TRAF3: variants seen among roughly 807,000 people sequenced by gnomAD.
TRAF3 encodes TNF receptor-associated factor 3.
TRAF3 carries 13 observed loss-of-function variants against 62.3 expected under a neutral mutation model. That is an observed-to-expected ratio of 0.21 (90% confidence interval 0.14 to 0.33). TRAF3 has a LOEUF of 0.33. Among genes scored for constraint, TRAF3 ranks in the 10% least tolerant of loss-of-function variants. TRAF3 has a pLI of 1.00. For missense variants in TRAF3, 440 were observed against 741.8 expected (o/e 0.59, Z 4.73); for synonymous variants, 269 against 283.4 (o/e 0.95, Z 0.51).
At chr14:102,849,811 C>A (rs1388885606) in intron 2 of TRAF3, among the ~76,000 whole-genome samples, 2 of 152,220 alleles carry the variant, frequency 1.3e-5, no homozygotes, top group Non-Finnish European at 2.9e-5. Context: ...TTTCAGAAAG[C>A]TTTCTTATCA....
At chr14:102,897,086 AAAG>A (rs1326880320) in intron 9 of TRAF3, among the ~76,000 whole-genome samples, 172 bp from the exon 10 acceptor site, 1 of 152,090 alleles carries the variant, frequency 6.6e-6, no homozygotes, top group African/African-American at 2.4e-5. Context: ...AGGGGAAAAA[AAAG>A]AAAGAAAGAA....
intron 2 of TRAF3, among the ~76,000 whole-genome samples, chr14:102,848,931 T>C (rs1005860238): frequency 5.3e-5 from 8 of 152,182 alleles, no homozygotes; most frequent in Admixed American, 6.5e-5. Flanking sequence ...TCTGCACTGA[T>C]GTGAGATCCA....
At chr14:102,896,804 C>T (rs1890029785) in intron 9 of TRAF3, among the ~76,000 whole-genome samples, 1 of 152,196 alleles carries the variant, frequency 6.6e-6, no homozygotes, top group African/African-American at 2.4e-5. Flanking sequence ...TGACTCACAC[C>T]TCTAATCCCA....
chr14:102,900,337 C>T (rs1006320993), intron 10 of TRAF3, among the ~76,000 whole-genome samples: 1 of 151,852 alleles, frequency 6.6e-6, no homozygotes, highest in Non-Finnish European at 1.5e-5. Flanking sequence ...CCCGTCTCTA[C>T]TAAAAATAGA....
At chr14:102,882,142 C>A (rs1178548813) in intron 6 of TRAF3, among the ~76,000 whole-genome samples, 2 of 152,178 alleles carry the variant, frequency 1.3e-5, no homozygotes, top group African/African-American at 4.8e-5. Context: ...GCCGGAGTGT[C>A]AAGGAAGGCT....
At chr14:102,836,950 CCCA>C (rs1886045550) in intron 2 of TRAF3, among the ~76,000 whole-genome samples, 1 of 152,128 alleles carries the variant, frequency 6.6e-6, no homozygotes, top group South Asian at 2.1e-4. Context: ...GCTTCTTTCC[CCCA>C]AGAATAGCTG....
Position 102,808,639 on chromosome 14 carries a change from A to G in TRAF3, c.-156-21695A>G, listed in dbSNP as rs117000546. Among the ~76,000 whole-genome samples, 10 of 152,354 alleles carry G rather than the reference A, an allele frequency of 6.6e-5. No homozygotes were observed. The East Asian group carries it at 1.9e-3, about 29-fold the overall frequency. ...GATTTGTTGGAACAGAAAAACTTCC[A>G]AATTGGTCTAGAAGGTGGACCCTAG... is the stretch of plus-strand genomic sequence containing the variant. On this transcript the variant is annotated intron_variant, in intron 1 of 11. Transcript: ENST00000392745.
chr14:102,851,775 TG>T (rs1887057615), intron 2 of TRAF3, among the ~76,000 whole-genome samples: 1 of 149,776 alleles, frequency 6.7e-6, no homozygotes, highest in Non-Finnish European at 1.5e-5. Flanking sequence ...ACAGGCCTCG[TG>T]GGTGGTTCGT....
chr14:102,875,493 A>G, intron 4 of TRAF3, 131 bp from the exon 5 acceptor site: 1 of 714,736 alleles, frequency 1.4e-6, no homozygotes, highest in Non-Finnish European at 2.4e-6. Flanking sequence ...ATGGTCCTTA[A>G]TGCTTTCTGA....
chr14:102,856,402 G>A (rs960736333), intron 2 of TRAF3, among the ~76,000 whole-genome samples: 2 of 152,150 alleles, frequency 1.3e-5, no homozygotes, highest in East Asian at 3.8e-4. Flanking sequence ...ACTTCCTGAC[G>A]TTGCCATGGT....
chr14:102,891,801 T>C (rs1264489871), intron 9 of TRAF3, among the ~76,000 whole-genome samples: 1 of 152,138 alleles, frequency 6.6e-6, no homozygotes, highest in Non-Finnish European at 1.5e-5. Context: ...GCAGCAGAGT[T>C]AAGAGACATG....
At chr14:102,905,095 G>C (rs1890519915) in intron 11 of TRAF3, 118 bp from the exon 12 acceptor site, 2 of 1,069,342 alleles carry the variant, frequency 1.9e-6, no homozygotes, top group Middle Eastern at 2.8e-4. Context: ...CTGGGCAACA[G>C]AGCGAGACTC....
chr14:102,789,172 C>G (rs1463213150), intron 1 of TRAF3, among the ~76,000 whole-genome samples: 2 of 151,988 alleles, frequency 1.3e-5, no homozygotes, highest in Admixed American at 1.3e-4. Context: ...TGAGGTACAT[C>G]CAAATTGTAG....
Position 102,905,520 on chromosome 14 carries a change from A to G in TRAF3, c.1443A>G (p.Glu481=), listed in dbSNP as rs768991505. 3 of 1,614,218 alleles carry G rather than the reference A, an allele frequency of 1.9e-6. No individual in the cohort carries two copies. In the South Asian group the frequency reaches 3.3e-5, roughly 18 times the overall value. Reference sequence around the variant, plus strand: ...TGTTTTTTGTCATCATGCGTGGAGAATATGATGCCCTGCTTCCTTGGCCGT... The same window carrying G: ...TGTTTTTTGTCATCATGCGTGGAGAGTATGATGCCCTGCTTCCTTGGCCGT... ...LSLFFVIMRG[E]YDALLPWPFK... Residue 481 remains glutamate, a synonymous_variant, in exon 12 of 12, where the codon GAA becomes GAG. Transcript: ENST00000392745.
Position 102,906,127 on chromosome 14 carries a change from C to A in TRAF3, c.*343C>A. ...GATTTTTCTTCCTTAAACTTGAACA[C>A]CAAAAAAACACACACACACACACAC... On this transcript the variant is annotated 3_prime_UTR_variant, in exon 12 of 12. Coordinates refer to ENST00000392745, the MANE Select transcript of TRAF3 (RefSeq NM_145725.3). 1 of 218,494 alleles carries A rather than the reference C, an allele frequency of 4.6e-6. No individual in the cohort carries two copies. Among genetic ancestry groups the A allele is most frequent in the Non-Finnish European group, 9.2e-6 (1 of 108,966 alleles). The allele number at this position is 218,494 out of a possible 1,614,324, so 13.5% of individuals were successfully genotyped here.
At position 102,861,734 on chromosome 14, in the gene TRAF3, A is replaced by G. The variant is rs560206490; in HGVS notation, c.-17-8451A>G. Among the ~76,000 whole-genome samples, 4 of 152,362 alleles carry G rather than the reference A, an allele frequency of 2.6e-5. No homozygotes were observed. The South Asian group carries it at 8.3e-4, about 32-fold the overall frequency. On this transcript the variant is annotated intron_variant, in intron 2 of 11. Coordinates refer to ENST00000392745, the MANE Select transcript of TRAF3 (RefSeq NM_145725.3). Reference sequence around the variant, plus strand: ...TATAAAGTGAAAGCAAGTTTATTATAGAAGTAAATAAAAAAGTGGCTACTC... The same window carrying G: ...TATAAAGTGAAAGCAAGTTTATTATGGAAGTAAATAAAAAAGTGGCTACTC...
intron 1 of TRAF3, among the ~76,000 whole-genome samples, chr14:102,796,343 C>G (rs190232272): frequency 6.6e-6 from 1 of 152,250 alleles, no homozygotes; most frequent in Non-Finnish European, 1.5e-5. Flanking sequence ...TCGCCCTTTG[C>G]GTCCCTTCAT....
chr14:102,880,835 T>C (rs1022140808), intron 6 of TRAF3, among the ~76,000 whole-genome samples: 1 of 152,174 alleles, frequency 6.6e-6, no homozygotes, highest in African/African-American at 2.4e-5. Flanking sequence ...CGCAGCACTT[T>C]GGGAGGCCGA....
chr14:102,846,638 T>TAAAAAAAAAAAAAA (rs752922791), intron 2 of TRAF3, among the ~76,000 whole-genome samples: 4 of 71,750 alleles, frequency 5.6e-5, no homozygotes, highest in African/African-American at 1.9e-4. Flanking sequence ...TCCAGCTTCT[T>TAAAAAAAAAAAAAA]AAAAAAAAAA....
Sources: allele counts gnomAD v4.1 joint callset (sites outside exome capture counted in the v4.1 genomes callset), GRCh38; gene constraint gnomAD v4.1.1; transcripts MANE v1.5; gene names NCBI Gene and HGNC (gene_info 2026-07-23, HGNC 2026-07-21).